HSF2BP: variants seen among roughly 807,000 people sequenced by gnomAD.
HSF2BP encodes the protein heat shock factor 2-binding protein.
In HSF2BP, 35 loss-of-function variants were observed where a neutral mutation model predicts 35.0. The observed-to-expected ratio is 1.00, with a 90% CI of 0.76 to 1.32. HSF2BP has a LOEUF of 1.32. Ranked by LOEUF, HSF2BP falls within the 40% of genes most tolerant of loss-of-function variation. The pLI, the probability that HSF2BP is intolerant of heterozygous loss-of-function variation, is 0.00. For synonymous variants in HSF2BP, 114 were observed against 117.4 expected (o/e 0.97, Z 0.18); for missense variants, 326 against 321.7 (o/e 1.01, Z -0.10).
chr21:43,591,244 G>A (rs1398145559), intron 8 of HSF2BP, among the ~76,000 whole-genome samples: 2 of 152,182 alleles, frequency 1.3e-5, no homozygotes, highest in Non-Finnish European at 2.9e-5. Context: ...AGTAAAGATA[G>A]CTTTTTAAAG....
At chr21:43,639,509 A>G (rs755993712) in intron 4 of HSF2BP, among the ~76,000 whole-genome samples, 58 of 152,230 alleles carry the variant, frequency 3.8e-4, no homozygotes, top group Non-Finnish European at 7.2e-4. Flanking sequence ...ACATTTCATA[A>G]AAGAGAATAC....
At position 43,598,355 on chromosome 21, in the gene HSF2BP, C is replaced by T. The variant is rs141510446; in HGVS notation, c.693-6027G>A. On this transcript the variant is annotated intron_variant, in intron 7 of 8. Transcript: ENST00000291560. ...GAGTAGCTGGGACTACAGGCGTGCA[C>T]CACCACACCCGGCTAATTTTTGTGG... 4.1e-3 allele frequency among the ~76,000 whole-genome samples: 611 copies of T among 150,790 alleles called. 3 individuals carry two copies. Among genetic ancestry groups the T allele is most frequent in the Non-Finnish European group, 7.0e-3 (473 of 67,834 alleles).
intron 8 of HSF2BP, among the ~76,000 whole-genome samples, chr21:43,588,975 T>G (rs1372310099): frequency 6.6e-6 from 1 of 152,182 alleles, no homozygotes; most frequent in Non-Finnish European, 1.5e-5. Context: ...GCTAACAAGC[T>G]AGCATGCTAG....
chr21:43,584,807 G>A (rs2081825631), intron 8 of HSF2BP, among the ~76,000 whole-genome samples: 1 of 152,162 alleles, frequency 6.6e-6, no homozygotes, highest in Admixed American at 6.5e-5. Context: ...ACCCTTGGGA[G>A]TTTCCTCTCA....
Position 43,641,871 on chromosome 21 carries a change from G to A in HSF2BP, c.291+2418C>T, listed in dbSNP as rs532827357. The stretch of plus-strand genomic sequence containing the variant: ...GTGGAGGTTGCAGTGAGCTGAGATT[G>A]TGCCACTGCACTCCAGCCTGGACGA... On this transcript the variant is annotated intron_variant, in intron 4 of 8. Coordinates refer to ENST00000291560, the MANE Select transcript of HSF2BP (RefSeq NM_007031.2). Among the ~76,000 whole-genome samples the A allele has an allele frequency of 2.7e-5, 4 of 147,838 alleles. No individual in the cohort carries two copies. The South Asian group carries it at 8.5e-4, about 31-fold the overall frequency.
intron 8 of HSF2BP, among the ~76,000 whole-genome samples, chr21:43,578,933 G>T (rs1467005657): frequency 6.6e-6 from 1 of 152,214 alleles, no homozygotes; most frequent in African/African-American, 2.4e-5. Context: ...GGCCAGGACC[G>T]CCTCTGGGAT....
chr21:43,611,003 T>C (rs1294830239), intron 7 of HSF2BP, among the ~76,000 whole-genome samples: 2 of 152,020 alleles, frequency 1.3e-5, no homozygotes, highest in Non-Finnish European at 2.9e-5. Context: ...CACAAGCAAT[T>C]TGTAAAATTA....
At chr21:43,657,844 C>T (rs558324630) in intron 2 of HSF2BP, 1 of 985,480 alleles carries the variant, frequency 1.0e-6, no homozygotes, top group Non-Finnish European at 1.2e-6. Context: ...CGCAGCCTCA[C>T]AGACCGGGTC....
At chr21:43,577,325 C>G (rs1237951391) in intron 8 of HSF2BP, among the ~76,000 whole-genome samples, 1 of 152,210 alleles carries the variant, frequency 6.6e-6, no homozygotes, top group East Asian at 1.9e-4. Context: ...ACTTAGGACA[C>G]TTAGTGACTG....
intron 8 of HSF2BP, among the ~76,000 whole-genome samples, chr21:43,585,645 C>T (rs1050731602): frequency 5.5e-4 from 63 of 114,900 alleles, no homozygotes; most frequent in African/African-American, 1.9e-3. Flanking sequence ...GACTCTGTCT[C>T]AAAAAAAAAA....
At chr21:43,610,835 C>T (rs1025987578) in intron 7 of HSF2BP, among the ~76,000 whole-genome samples, 7 of 152,176 alleles carry the variant, frequency 4.6e-5, no homozygotes, top group African/African-American at 1.7e-4. Flanking sequence ...GGAGAACTCT[C>T]AGACAGGTTA....
chr21:43,656,689 C>T lies in HSF2BP; in HGVS notation c.85G>A (p.Glu29Lys). Residue 29 changes from glutamate to lysine, a missense_variant, in exon 3 of 9, where the codon GAA becomes AAA. Physicochemically the swap from Glu to Lys is moderately conservative, Grantham distance 56. Transcript: ENST00000291560. ...EFVKVRKKDLERLTTEVMQIR... is the reference protein window; with the variant it reads ...EFVKVRKKDLKRLTTEVMQIR... ...TGCATCACTTCAGTTGTCAGCCGTT[C>T]CAGATCCTTCTTTCTGACTTTAACA... The T allele has an allele frequency of 1.9e-6, 3 of 1,613,966 alleles. No homozygotes were observed. The highest frequency in any genetic ancestry group is 1.7e-5 in the Admixed American group (1 of 60,012).
At chr21:43,591,088 T>A (rs1042488499) in intron 8 of HSF2BP, among the ~76,000 whole-genome samples, 2 of 152,130 alleles carry the variant, frequency 1.3e-5, no homozygotes, top group African/African-American at 4.8e-5. Context: ...TTAATTTGAA[T>A]CATAAAAAAA....
At chr21:43,655,335 C>T (rs536606479) in intron 3 of HSF2BP, among the ~76,000 whole-genome samples, 2 of 152,284 alleles carry the variant, frequency 1.3e-5, no homozygotes, top group East Asian at 1.9e-4. Flanking sequence ...ACCAATGACA[C>T]GCCATGTATC....
chr21:43,589,791 C>T (rs1311264961), intron 8 of HSF2BP, among the ~76,000 whole-genome samples: 1 of 152,026 alleles, frequency 6.6e-6, no homozygotes, highest in African/African-American at 2.4e-5. Context: ...ACTGGATCAA[C>T]TAGATAGAAA....
intron 6 of HSF2BP, among the ~76,000 whole-genome samples, chr21:43,630,097 T>A (rs980446650): frequency 8.5e-5 from 13 of 152,244 alleles, no homozygotes; most frequent in Admixed American, 7.9e-4. Flanking sequence ...GCTCAGATGA[T>A]CATTAGCATT....
intron 3 of HSF2BP, among the ~76,000 whole-genome samples, chr21:43,654,039 G>A (rs1040941997): frequency 2.6e-5 from 4 of 152,160 alleles, no homozygotes; most frequent in East Asian, 1.9e-4. Context: ...AGCTTGCACC[G>A]AGAAAGCAAA....
At chr21:43,578,855 T>C (rs572601014) in intron 8 of HSF2BP, among the ~76,000 whole-genome samples, 1 of 152,200 alleles carries the variant, frequency 6.6e-6, no homozygotes, top group African/African-American at 2.4e-5. Context: ...CTCTGTGGCC[T>C]GGCAGGGCAC....
chr21:43,644,226 G>A, intron 4 of HSF2BP, 63 bp downstream of exon 4: 1 of 1,204,942 alleles, frequency 8.3e-7, no homozygotes, highest in South Asian at 1.2e-5. Flanking sequence ...CTTATCATAA[G>A]TGAAAGGCTG....
Sources: gnomAD v4.1 joint callset for allele counts (sites outside exome capture counted in the v4.1 genomes callset) on GRCh38, gnomAD v4.1.1 for gene constraint, MANE v1.5 for transcripts, NCBI Gene and HGNC (gene_info 2026-07-23, HGNC 2026-07-21) for gene names.